Variants in ACTL8 observed in about 807,000 individuals in gnomAD.
ACTL8 encodes the protein actin-like protein 8.
ACTL8 carries 3 observed loss-of-function variants against 9.3 expected under a neutral mutation model. That is an observed-to-expected ratio of 0.32 (90% CI 0.15 to 0.83). ACTL8 has a LOEUF of 0.83. Ranked by LOEUF, ACTL8 falls within the 40% of genes least tolerant of loss-of-function variation. The pLI is 0.57. For synonymous variants in ACTL8, 224 were observed against 205.9 expected, an observed-to-expected ratio of 1.09 and a Z score of -0.75; for missense variants, 381 against 492.2, an observed-to-expected ratio of 0.77 and a Z score of 2.14.
At chr1:17,809,349 ATAAG>A (rs754259374) in intron 1 of ACTL8, among the ~76,000 whole-genome samples, 71 of 152,172 alleles carry the variant, frequency 4.7e-4, no homozygotes, top group Non-Finnish European at 8.2e-4. Context: ...CTCAAGCTAA[ATAAG>A]AGTGATGAGA....
intron 1 of ACTL8, among the ~76,000 whole-genome samples, chr1:17,798,478 G>A (rs368680769): frequency 3.9e-5 from 6 of 152,230 alleles, no homozygotes; most frequent in Non-Finnish European, 7.4e-5. Context: ...GGCAGATGCT[G>A]GGCTTGGAGA....
At chr1:17,757,100 A>G (rs2065972870) in intron 1 of ACTL8, among the ~76,000 whole-genome samples, 1 of 152,194 alleles carries the variant, frequency 6.6e-6, no homozygotes. Context: ...GCTGCACTGT[A>G]GCCAGGTGAC....
chr1:17,793,705 G>A (rs1237515522), intron 1 of ACTL8, among the ~76,000 whole-genome samples: 1 of 152,066 alleles, frequency 6.6e-6, no homozygotes. Flanking sequence ...CCCTGGTCTG[G>A]GTTAGCTCTG....
intron 1 of ACTL8, among the ~76,000 whole-genome samples, chr1:17,757,461 A>G (rs1397474893): frequency 1.3e-5 from 2 of 152,056 alleles, no homozygotes; most frequent in African/African-American, 2.4e-5. Flanking sequence ...CTAAACTGCA[A>G]GTCACTCTGA....
At chr1:17,786,457 T>C (rs910866677) in intron 1 of ACTL8, among the ~76,000 whole-genome samples, 2 of 152,206 alleles carry the variant, frequency 1.3e-5, no homozygotes, top group African/African-American at 2.4e-5. Flanking sequence ...AGATGTCTGT[T>C]TGTCTTGTGG....
At chr1:17,783,719 A>G (rs928266591) in intron 1 of ACTL8, among the ~76,000 whole-genome samples, 3 of 152,244 alleles carry the variant, frequency 2.0e-5, no homozygotes, top group Non-Finnish European at 2.9e-5. Flanking sequence ...AGCTGCTCCT[A>G]TGTTCACTTT....
Position 17,826,330 on chromosome 1 carries a change from TC to T in ACTL8, c.915del (p.Phe307SerfsTer9). The T allele has an allele frequency of 6.2e-7, 1 of 1,613,750 alleles. No individual in the cohort carries two copies. The highest frequency in any genetic ancestry group is 8.5e-7 in the Non-Finnish European group (1 of 1,179,838). Reference protein sequence around the residue: ...VMACGGNTLYPGFTKRLFREL... With the variant: ...VMACGGNTLYXGFTKRLFREL... ...TGGCCTGCGGGGGCAACACCCTCTA[TC>T]CCGGGTTCACAAAGCGCCTGTTCAG... On this transcript the variant is annotated frameshift_variant, in exon 3 of 3. Transcript: ENST00000375406. LOFTEE classifies it low-confidence loss of function (END_TRUNC). The surrounding 1 kb of genome is among the most constrained non-coding windows in gnomAD (Gnocchi z 4.5).
intron 1 of ACTL8, among the ~76,000 whole-genome samples, chr1:17,819,424 G>C (rs2053630110): frequency 6.6e-6 from 1 of 152,240 alleles, no homozygotes; most frequent in Non-Finnish European, 1.5e-5. Flanking sequence ...AGATAAGCCT[G>C]TTCTCTGCCC....
chr1:17,821,597 T>A (rs2124193545), intron 1 of ACTL8, among the ~76,000 whole-genome samples: 1 of 152,036 alleles, frequency 6.6e-6, no homozygotes, highest in East Asian at 1.9e-4. Context: ...ATTTCTGGAC[T>A]TTCTGTTCCA....
chr1:17,769,343 C>G (rs2066068697), intron 1 of ACTL8, among the ~76,000 whole-genome samples: 1 of 152,204 alleles, frequency 6.6e-6, no homozygotes, highest in Admixed American at 6.5e-5. Context: ...TCTCTTCTCT[C>G]CATTTCCTCT....
At chr1:17,796,546 G>A (rs535581480) in intron 1 of ACTL8, among the ~76,000 whole-genome samples, 129 of 152,322 alleles carry the variant, frequency 8.5e-4, no homozygotes, top group Non-Finnish European at 1.5e-3. Context: ...GCAGCCAGCG[G>A]TATATTTGGA....
rs1042859555 is a variant in ACTL8 at position 17,823,746 on chromosome 1, A to G, written c.348+390A>G. Among the ~76,000 whole-genome samples, 2 of 151,860 alleles carry G rather than the reference A, an allele frequency of 1.3e-5. No individual in the cohort carries two copies. Among genetic ancestry groups the G allele is most frequent in the Admixed American group, 6.6e-5 (1 of 15,220 alleles). On this transcript the variant is annotated intron_variant, in intron 2 of 2. Coordinates refer to ENST00000375406, the MANE Select transcript of ACTL8 (RefSeq NM_030812.3). This position sits in a 1 kb window ranked among gnomAD's most constrained non-coding sequence, Gnocchi z 5.3. ...CTGTCTCAAAAAAACAAACAAACAA[A>G]AAAACCCAACAGAAACCAACAAATT...
At position 17,766,923 on chromosome 1, in the gene ACTL8, G is replaced by C. The variant is rs11589060; in HGVS notation, c.-25+11419G>C. Among the ~76,000 whole-genome samples, 1,032 of 152,318 alleles carry C rather than the reference G, an allele frequency of 6.8e-3. 11 individuals carry two copies. The highest frequency in any genetic ancestry group is 0.024 in the African/African-American group (985 of 41,568). ...ACTGACCATTGTTCTAGGTGCTGAG[G>C]ATTCAGTCCTGGGCAAAACAGACAA... is the stretch of plus-strand genomic sequence containing the variant. On this transcript the variant is annotated intron_variant, in intron 1 of 2. Transcript: ENST00000375406.
intron 1 of ACTL8, among the ~76,000 whole-genome samples, chr1:17,794,409 T>A (rs920194521): frequency 6.6e-6 from 1 of 152,224 alleles, no homozygotes; most frequent in South Asian, 2.1e-4. Flanking sequence ...ATGATTGCAT[T>A]GGCTACCAGG....
At chr1:17,805,330 T>A (rs2066351399) in intron 1 of ACTL8, among the ~76,000 whole-genome samples, 1 of 152,012 alleles carries the variant, frequency 6.6e-6, no homozygotes, top group Non-Finnish European at 1.5e-5. Flanking sequence ...TTTATTTTTC[T>A]TTATAGCTAG....
intron 1 of ACTL8, among the ~76,000 whole-genome samples, chr1:17,819,757 G>T (rs1024556033): frequency 6.6e-6 from 1 of 152,164 alleles, no homozygotes; most frequent in Non-Finnish European, 1.5e-5. Flanking sequence ...AGGGCCAGGT[G>T]TGGTGGCTTA....
At chr1:17,789,830 C>A (rs1437032123) in intron 1 of ACTL8, among the ~76,000 whole-genome samples, 2 of 151,838 alleles carry the variant, frequency 1.3e-5, no homozygotes, top group Non-Finnish European at 1.5e-5. Context: ...TGTTATAGGA[C>A]CTTTGGGGTG....
chr1:17,761,127 C>T (rs936010799), intron 1 of ACTL8, among the ~76,000 whole-genome samples: 5 of 147,726 alleles, frequency 3.4e-5, no homozygotes, highest in East Asian at 2.0e-4. Context: ...GGGGTCATTG[C>T]GGCTTAATTT....
rs72387933 is a variant in ACTL8 at position 17,802,424 on chromosome 1, CGTGTGTGTGTGTGT to C, written c.-24-20546_-24-20533del. On this transcript the variant is annotated intron_variant, in intron 1 of 2. Coordinates refer to ENST00000375406, the MANE Select transcript of ACTL8 (RefSeq NM_030812.3). ...AGCAGATCCCGGATGACTGTGCGTG[CGTGTGTGTGTGTGT>C]GTGTGTGTGTGTGTTGGAGGGCAGT... Among the ~76,000 whole-genome samples, 8 of 146,694 alleles carry C rather than the reference CGTGTGTGTGTGTGT, an allele frequency of 5.5e-5. No homozygotes were observed. The East Asian group carries it at 1.4e-3, about 26-fold the overall frequency.
Sources: allele counts gnomAD v4.1 joint callset (sites outside exome capture counted in the v4.1 genomes callset), GRCh38; gene constraint gnomAD v4.1.1; non-coding constraint Gnocchi (gnomAD v3.1); transcripts MANE v1.5; gene names NCBI Gene and HGNC (gene_info 2026-07-23, HGNC 2026-07-21).